Variants in PCDH15 observed in about 807,000 individuals in gnomAD.
The protein encoded by PCDH15 is protocadherin-15.
In PCDH15, 129 loss-of-function variants were observed where a neutral mutation model predicts 178.5. That is an observed-to-expected ratio of 0.72 (90% confidence interval 0.63 to 0.84). PCDH15 has a LOEUF of 0.84. Among genes scored for constraint, PCDH15 ranks in the 40% least tolerant of loss-of-function variants. The pLI is 0.00. For synonymous variants in PCDH15, 800 were observed against 732.0 expected, an observed-to-expected ratio of 1.09 and a Z score of -1.50; for missense variants, 2,230 against 2,099.9, an observed-to-expected ratio of 1.06 and a Z score of -1.21.
intron 3 of PCDH15, among the ~76,000 whole-genome samples, chr10:54,814,937 C>T (rs74136297): frequency 0.085 from 12,945 of 151,932 alleles, 622 homozygotes; most frequent in South Asian, 0.14. Flanking sequence ...TTGTTTATTC[C>T]CTTGAATCTT....
chr10:54,623,393 A>G (rs1459589503), intron 2 of PCDH15, among the ~76,000 whole-genome samples: 1 of 152,076 alleles, frequency 6.6e-6, no homozygotes, highest in African/African-American at 2.4e-5. Context: ...AATAATGAAA[A>G]GACTTTTTTT....
At chr10:54,622,593 A>ATTTTTTC (rs1364719712) in intron 2 of PCDH15, among the ~76,000 whole-genome samples, 1 of 100,182 alleles carries the variant, frequency 1.0e-5, no homozygotes, top group African/African-American at 4.2e-5. Context: ...AATATATATA[A>ATTTTTTC]TATATAATAT....
At chr10:54,969,003 T>C (rs1838865104) in intron 2 of PCDH15, among the ~76,000 whole-genome samples, 1 of 152,146 alleles carries the variant, frequency 6.6e-6, no homozygotes, top group South Asian at 2.1e-4. Context: ...TATCTTCATG[T>C]ACATTTAGAA....
intron 2 of PCDH15, among the ~76,000 whole-genome samples, chr10:55,403,317 C>T (rs1838118220): frequency 6.6e-6 from 1 of 151,666 alleles, no homozygotes; most frequent in Non-Finnish European, 1.5e-5. Flanking sequence ...TCCCATGTTA[C>T]ATGTGGTCTC....
intron 1 of PCDH15, among the ~76,000 whole-genome samples, chr10:55,179,169 G>A (rs1205338724): frequency 6.6e-6 from 1 of 152,000 alleles, no homozygotes; most frequent in East Asian, 1.9e-4. Flanking sequence ...TTTTTACTGG[G>A]GACCCTTAGA....
chr10:53,931,345 A>G (rs376404011), intron 25 of PCDH15, among the ~76,000 whole-genome samples: 1 of 152,174 alleles, frequency 6.6e-6, no homozygotes, highest in Admixed American at 6.5e-5. Flanking sequence ...AGTGGTATGT[A>G]TGCTACAAAT....
intron 8 of PCDH15, among the ~76,000 whole-genome samples, chr10:54,276,242 G>A (rs2058345615): frequency 6.6e-6 from 1 of 151,704 alleles, no homozygotes; most frequent in African/African-American, 2.4e-5. Context: ...ATTCTGCTAT[G>A]TTTAACTAGC....
intron 26 of PCDH15, among the ~76,000 whole-genome samples, chr10:53,880,700 AT>A (rs1286452060): frequency 1.3e-5 from 2 of 152,150 alleles, no homozygotes; most frequent in African/African-American, 4.8e-5. Flanking sequence ...TAAATTTATA[AT>A]TTTCAAAATA....
intron 2 of PCDH15, among the ~76,000 whole-genome samples, chr10:54,988,352 T>C (rs889175520): frequency 6.6e-6 from 1 of 152,066 alleles, no homozygotes; most frequent in African/African-American, 2.4e-5. Context: ...CCCCAAAATA[T>C]GGAAGTGACT....
intron 1 of PCDH15, among the ~76,000 whole-genome samples, chr10:55,309,289 G>T (rs1843515016): frequency 6.6e-6 from 1 of 152,122 alleles, no homozygotes; most frequent in Non-Finnish European, 1.5e-5. Context: ...GCTGAGACAG[G>T]AGAATCGCTG....
intron 2 of PCDH15, among the ~76,000 whole-genome samples, chr10:55,407,175 A>T (rs1838217277): frequency 6.6e-6 from 1 of 151,854 alleles, no homozygotes; most frequent in Non-Finnish European, 1.5e-5. Context: ...GAACAGAGAT[A>T]TGTGAAGGCA....
At chr10:53,958,852 A>G (rs181210774) in intron 23 of PCDH15, among the ~76,000 whole-genome samples, 2,051 of 151,488 alleles carry the variant, frequency 0.014, 42 homozygotes, top group African/African-American at 0.044. Flanking sequence ...GGTGGTGGGC[A>G]CCTGTAGTCC....
chr10:54,827,870 G>A (rs778372642), intron 3 of PCDH15, among the ~76,000 whole-genome samples: 23 of 151,978 alleles, frequency 1.5e-4, no homozygotes, highest in African/African-American at 5.3e-4. Flanking sequence ...TTTTGCGCAG[G>A]TGATGAAATA....
chr10:54,255,933 A>G (rs2056862817), intron 8 of PCDH15, among the ~76,000 whole-genome samples: 1 of 152,194 alleles, frequency 6.6e-6, no homozygotes. Context: ...ATGTTAAAAC[A>G]AAGCTAACCC....
At chr10:53,815,180 A>G (rs898776982) in intron 35 of PCDH15, among the ~76,000 whole-genome samples, 1 of 152,166 alleles carries the variant, frequency 6.6e-6, no homozygotes, top group Admixed American at 6.5e-5. Flanking sequence ...TGTAATTTTT[A>G]ATATTCATTT....
chr10:54,467,924 A>AT (rs974354104), intron 3 of PCDH15, among the ~76,000 whole-genome samples: 1 of 151,530 alleles, frequency 6.6e-6, no homozygotes, highest in South Asian at 2.1e-4. Context: ...GAACTTGTTC[A>AT]TTTTTTCTAG....
chr10:54,317,326 G>C lies in PCDH15; in HGVS notation c.821C>G (p.Thr274Ser), dbSNP rs2061338160. 2.5e-6 allele frequency: 4 copies of C among 1,614,006 alleles called. No homozygotes were observed. The highest frequency in any genetic ancestry group is 2.5e-6 in the Non-Finnish European group (3 of 1,179,934). Residue 274 changes from threonine to serine, a missense_variant, in exon 8 of 38, where the codon ACT becomes AGT. Physicochemically the swap from Thr to Ser is moderately conservative, Grantham distance 58. Coordinates refer to ENST00000644397, the MANE Select transcript of PCDH15 (RefSeq NM_001384140.1). ...ATAAGTGAGTGGACGGCAATCACGA[G>C]TGTTTGGCACAAGGACACAAGGAAG... ...MFLPCVLVPN[T>S]RDCRPLTYQA...
intron 3 of PCDH15, among the ~76,000 whole-genome samples, chr10:54,873,695 T>TTTTATATATATATATATA (rs1554809277): frequency 7.2e-6 from 1 of 138,928 alleles, no homozygotes; most frequent in Non-Finnish European, 1.5e-5. Context: ...CTGCTGTATT[T>TTTTATATATATATATATA]TATATATATA....
rs61148857 is a variant in PCDH15 at position 54,907,004 on chromosome 10, C to G, written c.-79-9504G>C. 9.9e-3 allele frequency among the ~76,000 whole-genome samples: 1,500 copies of G among 152,230 alleles called. 17 individuals carry two copies. Among genetic ancestry groups the G allele is most frequent in the African/African-American group, 0.034 (1,396 of 41,558 alleles). On this transcript the variant is annotated intron_variant, in intron 2 of 5. Coordinates refer to the PCDH15 transcript ENST00000458638. Reference sequence around the variant, plus strand: ...GAGTTTAATTACAATATATTGGCCACAAACCTAATGGATCCATGTTTTCTG... The same window carrying G: ...GAGTTTAATTACAATATATTGGCCAGAAACCTAATGGATCCATGTTTTCTG...
Sources: allele counts gnomAD v4.1 joint callset (sites outside exome capture counted in the v4.1 genomes callset), GRCh38; gene constraint gnomAD v4.1.1; transcripts MANE v1.5; gene names NCBI Gene and HGNC (gene_info 2026-07-23, HGNC 2026-07-21).